Variants in SHROOM3 observed in about 807,000 individuals in gnomAD.
SHROOM3 encodes the protein shroom family member 3.
In SHROOM3, 47 loss-of-function variants were observed where a neutral mutation model predicts 138.6. The ratio of observed to expected loss-of-function variants is 0.34; its 90% CI spans 0.27 to 0.43. The LOEUF is 0.43. SHROOM3 is among the 20% of genes least tolerant of loss of function. The probability of loss-of-function intolerance (pLI) is 1.00; values close to 1 mark genes in which losing one functional copy is unlikely to be tolerated. For missense variants in SHROOM3, 2,491 were observed against 2,596.5 expected (o/e 0.96, Z 0.88); for synonymous variants, 1,062 against 1,063.3 (o/e 1.00, Z 0.02).
chr4:76,539,693 G>A (rs1279551392), intron 1 of SHROOM3, among the ~76,000 whole-genome samples: 1 of 152,200 alleles, frequency 6.6e-6, no homozygotes, highest in African/African-American at 2.4e-5. Flanking sequence ...CAAATAATGT[G>A]TTGAAGGTCA....
chr4:76,558,509 C>T lies in SHROOM3; in HGVS notation c.323+2746C>T, dbSNP rs1733532925. ...CTGGTTCCCTGGTTATCTGGAGGCC[C>T]CCCCTTTCATTCTCTTAGTGAGTTT... On this transcript the variant is annotated intron_variant, in intron 2 of 10. Transcript: ENST00000296043. Among the ~76,000 whole-genome samples, 2 of 152,128 alleles carry T rather than the reference C, an allele frequency of 1.3e-5. 1 individual carries two copies. Among genetic ancestry groups the T allele is most frequent in the Admixed American group, 1.3e-4 (2 of 15,268 alleles).
chr4:76,620,705 G>T (rs1046764834), intron 2 of SHROOM3, among the ~76,000 whole-genome samples: 2 of 152,260 alleles, frequency 1.3e-5, no homozygotes, highest in African/African-American at 4.8e-5. Flanking sequence ...AGGCAGAGGC[G>T]GAAAGGGCAG....
At chr4:76,677,637 G>C (rs1317766452) in intron 2 of SHROOM3, among the ~76,000 whole-genome samples, 1 of 152,174 alleles carries the variant, frequency 6.6e-6, no homozygotes. Context: ...TCAAGAAATG[G>C]CAGCCAAGAG....
rs1036325360 is a variant in SHROOM3 at position 76,575,922 on chromosome 4, G to A, written c.323+20159G>A. Among the ~76,000 whole-genome samples, 5 of 152,020 alleles carry A rather than the reference G, an allele frequency of 3.3e-5. No individual in the cohort carries two copies. The South Asian group carries it at 6.2e-4, about 19-fold the overall frequency. ...CAACATCATTGATTATTAGAGAAAC[G>A]CAAATCTAAACTACAATGAGATATT... On this transcript the variant is annotated intron_variant, in intron 2 of 10. Coordinates refer to ENST00000296043, the MANE Select transcript of SHROOM3 (RefSeq NM_020859.4).
Position 76,552,073 on chromosome 4 carries a change from G to A in SHROOM3, c.169-3536G>A, listed in dbSNP as rs546389908. 1.2e-3 allele frequency among the ~76,000 whole-genome samples: 168 copies of A among 145,416 alleles called. 1 individual carries two copies. The highest frequency in any genetic ancestry group is 3.4e-3 in the African/African-American group (136 of 40,376). On this transcript the variant is annotated intron_variant, in intron 1 of 10. Coordinates refer to ENST00000296043, the MANE Select transcript of SHROOM3 (RefSeq NM_020859.4). ...AGACGGGGTTTCACCGTGTTAGCCA[G>A]GATGGACTCGATCTCCTGACCTTGT...
At chr4:76,546,815 C>G (rs1733229679) in intron 1 of SHROOM3, among the ~76,000 whole-genome samples, 1 of 152,188 alleles carries the variant, frequency 6.6e-6, no homozygotes, top group South Asian at 2.1e-4. Context: ...AAGTGCCCCT[C>G]AATCACATAC....
chr4:76,631,250 C>T (rs1220155074), intron 2 of SHROOM3, among the ~76,000 whole-genome samples: 1 of 135,140 alleles, frequency 7.4e-6, no homozygotes, highest in African/African-American at 2.8e-5. Context: ...TCTGTTGCAC[C>T]CAGGCTGGAG....
chr4:76,513,157 C>G (rs1360565605), intron 1 of SHROOM3, among the ~76,000 whole-genome samples: 4 of 152,134 alleles, frequency 2.6e-5, no homozygotes, highest in African/African-American at 9.7e-5. Flanking sequence ...CTTGGTGGAA[C>G]TTTCTACTGT....
intron 1 of SHROOM3, among the ~76,000 whole-genome samples, chr4:76,459,453 G>C (rs1246143313): frequency 6.6e-6 from 1 of 152,128 alleles, no homozygotes; most frequent in Non-Finnish European, 1.5e-5. Context: ...CAAAGTTCCA[G>C]GGAGCCTAGG....
At chr4:76,485,063 AAC>A (rs1241004910) in intron 1 of SHROOM3, among the ~76,000 whole-genome samples, 1 of 152,204 alleles carries the variant, frequency 6.6e-6, no homozygotes, top group Non-Finnish European at 1.5e-5. Flanking sequence ...TCACATGGGA[AAC>A]ACACTGTTGT....
Position 76,698,476 on chromosome 4 carries a change from A to G in SHROOM3, c.324-11680A>G, listed in dbSNP as rs116618305. On this transcript the variant is annotated intron_variant, in intron 2 of 10. Coordinates refer to ENST00000296043, the MANE Select transcript of SHROOM3 (RefSeq NM_020859.4). The stretch of plus-strand genomic sequence containing the variant: ...AATGTCCACTCCTTTAGGCAGGTCT[A>G]GGGCTGGAGCAACTTATTTGCATAT... 8.7e-4 allele frequency among the ~76,000 whole-genome samples: 133 copies of G among 152,270 alleles called. 1 individual carries two copies. The highest frequency in any genetic ancestry group is 3.1e-3 in the African/African-American group (130 of 41,542).
intron 2 of SHROOM3, among the ~76,000 whole-genome samples, chr4:76,622,952 T>C (rs984622237): frequency 1.3e-5 from 2 of 152,210 alleles, no homozygotes; most frequent in Admixed American, 6.5e-5. Flanking sequence ...GTTATCTGGG[T>C]TCCTGAGTGT....
At chr4:76,643,532 C>G (rs1392412622) in intron 2 of SHROOM3, among the ~76,000 whole-genome samples, 1 of 152,152 alleles carries the variant, frequency 6.6e-6, no homozygotes, top group Non-Finnish European at 1.5e-5. Flanking sequence ...GGGTTCTAAA[C>G]AGTGATGTTT....
intron 4 of SHROOM3, among the ~76,000 whole-genome samples, chr4:76,736,981 T>C (rs1022833125): frequency 2.6e-5 from 4 of 152,218 alleles, no homozygotes; most frequent in Admixed American, 6.5e-5. Context: ...GTTGTGCATT[T>C]TGTAGGTTTG....
chr4:76,634,920 C>G (rs532847358), intron 2 of SHROOM3, among the ~76,000 whole-genome samples: 1 of 152,288 alleles, frequency 6.6e-6, no homozygotes, highest in Admixed American at 6.5e-5. Flanking sequence ...GACAATTCCA[C>G]ACCCTTTCCT....
intron 2 of SHROOM3, among the ~76,000 whole-genome samples, chr4:76,690,044 G>A (rs1719473944): frequency 6.6e-6 from 1 of 152,210 alleles, no homozygotes; most frequent in Admixed American, 6.5e-5. Flanking sequence ...CCCCTGCTGA[G>A]TTGAGAACTC....
At chr4:76,700,379 G>A (rs920452144) in intron 2 of SHROOM3, among the ~76,000 whole-genome samples, 70 of 152,306 alleles carry the variant, frequency 4.6e-4, no homozygotes, top group African/African-American at 1.7e-3. Flanking sequence ...CACTCCATAA[G>A]GTAATGGCAA....
chr4:76,480,230 A>G (rs547770618), intron 1 of SHROOM3, among the ~76,000 whole-genome samples: 203 of 152,368 alleles, frequency 1.3e-3, no homozygotes, highest in African/African-American at 4.7e-3. Context: ...GGTGTGCTGT[A>G]TTCAGGAGAC....
chr4:76,473,941 G>A (rs1294534043), intron 1 of SHROOM3, among the ~76,000 whole-genome samples: 1 of 152,164 alleles, frequency 6.6e-6, no homozygotes, highest in Non-Finnish European at 1.5e-5. Context: ...GAATTACCAT[G>A]TGTCCTAGCA....
Sources: gnomAD v4.1 joint callset for allele counts (sites outside exome capture counted in the v4.1 genomes callset) on GRCh38, gnomAD v4.1.1 for gene constraint, MANE v1.5 for transcripts, NCBI Gene and HGNC (gene_info 2026-07-23, HGNC 2026-07-21) for gene names.